Variants in GPR55 observed in about 807,000 individuals in gnomAD.
GPR55 encodes the protein G-protein coupled receptor 55.
Under a neutral mutation model 7.9 loss-of-function variants are expected in GPR55, and 6 were observed. The observed-to-expected ratio is 0.76, with a 90% CI of 0.41 to 1.49. The LOEUF (loss-of-function observed/expected upper bound fraction) is 1.49, where lower values mean the gene tolerates loss of function less well. Among genes scored for constraint, GPR55 ranks in the 40% most tolerant of loss-of-function variants. The pLI is 0.01. For synonymous variants in GPR55, 183 were observed against 166.8 expected, an observed-to-expected ratio of 1.10 and a Z score of -0.75; for missense variants, 376 against 406.0, an observed-to-expected ratio of 0.93 and a Z score of 0.63.
At chr2:230,917,278 G>C (rs191503431) in intron 1 of GPR55, among the ~76,000 whole-genome samples, 114 of 152,048 alleles carry the variant, frequency 7.5e-4, no homozygotes, top group African/African-American at 2.0e-3. Flanking sequence ...AAAACAAATA[G>C]GCAAAATATA....
rs184410278 is a variant in GPR55 at position 230,909,793 on chromosome 2, C to T, written c.*210G>A. ...CCTGGTCTGTGGGTTCTTCAGAGAT[C>T]CCTGAACACTGGGTGGTATAAGCTG... On this transcript the variant is annotated 3_prime_UTR_variant, in exon 2 of 2. Coordinates refer to ENST00000650999, the MANE Select transcript of GPR55 (RefSeq NM_005683.4). The T allele has an allele frequency of 7.0e-6, 4 of 570,842 alleles. No individual in the cohort carries two copies. The South Asian group carries it at 9.3e-5, about 13-fold the overall frequency. The allele number at this position is 570,842 out of a possible 1,614,324, so 35.4% of individuals were successfully genotyped here. A position where few individuals can be genotyped will look rare whatever the true frequency, so the allele number is the denominator to read the frequency against.
chr2:230,933,440 A>G (rs920597164), intron 1 of GPR55, among the ~76,000 whole-genome samples: 3 of 152,070 alleles, frequency 2.0e-5, no homozygotes, highest in African/African-American at 4.8e-5. Flanking sequence ...GGGGCAGCCC[A>G]TGGTGTGCAG....
intron 1 of GPR55, among the ~76,000 whole-genome samples, chr2:230,940,094 GA>G (rs1691201544): frequency 6.6e-6 from 1 of 152,120 alleles, no homozygotes; most frequent in Non-Finnish European, 1.5e-5. Flanking sequence ...GCGATGCTGG[GA>G]CCTGAAGGGT....
chr2:230,923,339 A>T lies in GPR55; in HGVS notation c.-135+1829T>A, dbSNP rs1249264179. ...AGCATTGCAGCGTGAGCCACCTCAG[A>T]GATGGCAGGGCCAGAGCCTAAAAAA... is the stretch of plus-strand genomic sequence containing the variant. On this transcript the variant is annotated intron_variant, in intron 1 of 1. Coordinates refer to ENST00000650999, the MANE Select transcript of GPR55 (RefSeq NM_005683.4). This position sits in a 1 kb window ranked among gnomAD's most constrained non-coding sequence, Gnocchi z 4.1. 6.6e-6 allele frequency among the ~76,000 whole-genome samples: 1 copy of T among 152,218 alleles called. No homozygotes were observed. The highest frequency in any genetic ancestry group is 1.5e-5 in the Non-Finnish European group (1 of 68,042).
chr2:230,925,156 A>C lies in GPR55; in HGVS notation c.-135+12T>G, dbSNP rs1046388507. 2.0e-5 allele frequency: 3 copies of C among 152,742 alleles called. No individual in the cohort carries two copies. Among genetic ancestry groups the C allele is most frequent in the Non-Finnish European group, 4.4e-5 (3 of 68,144 alleles). The allele number at this position is 152,742 out of a possible 1,614,324, so 9.5% of individuals were successfully genotyped here. Reference sequence around the variant, plus strand: ...GTGCCTTAGTTTCTCTAAATGGCCCAGAGGCTGTTACCTGTTGGTGGTCCG... The same window carrying C: ...GTGCCTTAGTTTCTCTAAATGGCCCCGAGGCTGTTACCTGTTGGTGGTCCG... On this transcript the variant is annotated intron_variant, in intron 1 of 1. Coordinates refer to ENST00000650999, the MANE Select transcript of GPR55 (RefSeq NM_005683.4).
At chr2:230,935,988 G>A (rs1691125428) in intron 1 of GPR55, among the ~76,000 whole-genome samples, 1 of 152,198 alleles carries the variant, frequency 6.6e-6, no homozygotes, top group Non-Finnish European at 1.5e-5. Flanking sequence ...CAGCATGAGG[G>A]AGGAAGCTTG....
intron 1 of GPR55, chr2:230,957,617 GAGCC>G (rs1691512417): frequency 4.2e-6 from 2 of 470,836 alleles, no homozygotes; most frequent in African/African-American, 4.1e-5. Context: ...GGAGCCCGGC[GAGCC>G]CGCGAAGGGG....
chr2:230,954,441 C>A (rs1361349020), intron 1 of GPR55, among the ~76,000 whole-genome samples: 1 of 152,240 alleles, frequency 6.6e-6, no homozygotes, highest in African/African-American at 2.4e-5. Flanking sequence ...CCTTTCCATG[C>A]CACTGGCCGA....
At chr2:230,937,850 G>A (rs186467734) in intron 1 of GPR55, among the ~76,000 whole-genome samples, 122 of 152,162 alleles carry the variant, frequency 8.0e-4, no homozygotes, top group African/African-American at 2.8e-3. Context: ...TTACTCAGTA[G>A]AACAAGATAT....
chr2:230,943,068 AAGAG>A (rs951266084), intron 1 of GPR55, among the ~76,000 whole-genome samples: 7 of 136,892 alleles, frequency 5.1e-5, no homozygotes, highest in African/African-American at 1.3e-4. Context: ...GGAGAGAGAA[AAGAG>A]AGAGAGAGGA....
intron 1 of GPR55, among the ~76,000 whole-genome samples, chr2:230,914,883 T>C (rs1461398681): frequency 1.3e-5 from 2 of 151,962 alleles, no homozygotes; most frequent in African/African-American, 2.4e-5. Context: ...CCATGAAGGA[T>C]AGTTGGGAGA....
intron 1 of GPR55, among the ~76,000 whole-genome samples, chr2:230,955,978 C>A (rs1691475700): frequency 6.6e-6 from 1 of 152,108 alleles, no homozygotes; most frequent in Non-Finnish European, 1.5e-5. Context: ...CCTCCCTCCT[C>A]AGCCTCCCAA....
Position 230,910,885 on chromosome 2 carries a change from G to C in GPR55, c.78C>G (p.Val26=). ...GGCCCAGGACGAAGGTGGGGATGTG[G>C]ACTGCAAACTGTAGGGTTTTCATCA... ...NELMKTLQFA[V]HIPTFVLGLL... The change falls in exon 2 of 2, where the codon GTC becomes GTG. Residue 26 remains valine, a synonymous_variant. Coordinates refer to ENST00000650999, the MANE Select transcript of GPR55 (RefSeq NM_005683.4). The surrounding 1 kb of genome is among the most constrained non-coding windows in gnomAD (Gnocchi z 5.4). 6.2e-7 allele frequency: 1 copy of C among 1,614,120 alleles called. No homozygotes were observed. The highest frequency in any genetic ancestry group is 8.5e-7 in the Non-Finnish European group (1 of 1,179,988).
At chr2:230,955,277 T>G (rs1691463464) in intron 1 of GPR55, among the ~76,000 whole-genome samples, 1 of 152,236 alleles carries the variant, frequency 6.6e-6, no homozygotes, top group Non-Finnish European at 1.5e-5. Context: ...TTAAGGAAAT[T>G]TCTCCTCATT....
upstream of GPR55, among the ~76,000 whole-genome samples, chr2:230,926,720 C>T (rs1353458409): frequency 5.0e-5 from 7 of 140,594 alleles, no homozygotes; most frequent in South Asian, 2.3e-4. Context: ...TACAGAGTCT[C>T]GCTCTGTTGC....
rs144082321 is a variant in GPR55, at chr2:230,947,649, G to T, written c.-135+13126C>A. Among the ~76,000 whole-genome samples the T allele has an allele frequency of 4.7e-4, 71 of 151,958 alleles. 1 individual carries two copies. The East Asian group carries it at 0.012, about 25-fold the overall frequency. On this transcript the variant is annotated intron_variant, in intron 1 of 1. Coordinates refer to the GPR55 transcript ENST00000392039. ...CTCCCACGTAGCTGGGACCACAGGG[G>T]CACACCACCATGCCAGGCTAATTTT...
Position 230,938,672 on chromosome 2 carries a change from GC to G in GPR55, c.-135+22102del, listed in dbSNP as rs753908448. Among the ~76,000 whole-genome samples, 129 of 152,360 alleles carry G rather than the reference GC, an allele frequency of 8.5e-4. 3 individuals are homozygous for G. In the East Asian group the frequency reaches 0.02, roughly 24 times the overall value. On this transcript the variant is annotated intron_variant, in intron 1 of 1. Transcript: ENST00000392039. ...ATCCGAGGCTGTCCTGGAGGCTGGA[GC>G]AGCGGGCAGGGCAAGGCTGGAGGAG...
intron 1 of GPR55, chr2:230,957,679 T>A: frequency 1.8e-6 from 1 of 546,110 alleles, no homozygotes; most frequent in Non-Finnish European, 3.7e-6. Context: ...ATATTCCCTG[T>A]GCCCGGGATT....
At chr2:230,929,313 C>G (rs940449839), upstream of GPR55, among the ~76,000 whole-genome samples, 2 of 152,132 alleles carry the variant, frequency 1.3e-5, no homozygotes, top group Admixed American at 1.3e-4. Flanking sequence ...TGCCCCCAAG[C>G]CCCCCAACTC....
Sources: gnomAD v4.1 joint callset for allele counts (sites outside exome capture counted in the v4.1 genomes callset) on GRCh38, gnomAD v4.1.1 for gene constraint, Gnocchi (gnomAD v3.1) non-coding constraint, MANE v1.5 for transcripts, NCBI Gene and HGNC (gene_info 2026-07-23, HGNC 2026-07-21) for gene names.